Variants in FRMD4B observed in about 807,000 individuals in gnomAD.
The protein encoded by FRMD4B is FERM domain containing 4B.
In FRMD4B, 74 loss-of-function variants were observed where a neutral mutation model predicts 141.5. That is an observed-to-expected ratio of 0.52 (90% CI 0.43 to 0.63). FRMD4B has a LOEUF of 0.63. Among genes scored for constraint, FRMD4B ranks in the 30% least tolerant of loss-of-function variants. The pLI is 0.00. For missense variants in FRMD4B, 1,366 were observed against 1,253.4 expected (o/e 1.09, Z -1.36); for synonymous variants, 506 against 467.9 (o/e 1.08, Z -1.05).
At chr3:69,518,000 G>A (rs536279536) in intron 1 of FRMD4B, among the ~76,000 whole-genome samples, 19 of 152,072 alleles carry the variant, frequency 1.2e-4, no homozygotes, top group African/African-American at 4.6e-4. Flanking sequence ...CCCAAGAGAT[G>A]CTGCTGCTGC....
intron 2 of FRMD4B, among the ~76,000 whole-genome samples, chr3:69,406,311 G>T (rs752827837): frequency 3.3e-5 from 5 of 152,148 alleles, no homozygotes; most frequent in Non-Finnish European, 5.9e-5. Flanking sequence ...GATCCCAGCC[G>T]ATACTCACAG....
At chr3:69,502,742 C>T (rs1221763399) in intron 1 of FRMD4B, among the ~76,000 whole-genome samples, 3 of 151,582 alleles carry the variant, frequency 2.0e-5, no homozygotes, top group African/African-American at 7.3e-5. Context: ...TCGGAGTGAA[C>T]AGGCAACTTA....
intron 1 of FRMD4B, among the ~76,000 whole-genome samples, chr3:69,454,068 G>A (rs924415358): frequency 6.6e-6 from 1 of 152,178 alleles, no homozygotes; most frequent in Non-Finnish European, 1.5e-5. Flanking sequence ...AAATAAATAA[G>A]AGAAGTAGAT....
intron 2 of FRMD4B, among the ~76,000 whole-genome samples, chr3:69,398,285 TA>T (rs1299995248): frequency 6.6e-6 from 1 of 152,210 alleles, no homozygotes; most frequent in Non-Finnish European, 1.5e-5. Context: ...AATTGACACA[TA>T]ATAATTACAT....
chr3:69,445,170 T>C (rs960369628), intron 1 of FRMD4B, among the ~76,000 whole-genome samples: 1 of 152,154 alleles, frequency 6.6e-6, no homozygotes, highest in African/African-American at 2.4e-5. Flanking sequence ...TGAACGGGTG[T>C]CTGCTGAAAA....
At chr3:69,241,516 A>G (rs775474528) in intron 7 of FRMD4B, among the ~76,000 whole-genome samples, 32 of 152,326 alleles carry the variant, frequency 2.1e-4, no homozygotes, top group Non-Finnish European at 3.2e-4. Flanking sequence ...GAAATAAGAC[A>G]AAAACGTTTC....
At chr3:69,248,199 G>A (rs1234934677) in intron 7 of FRMD4B, among the ~76,000 whole-genome samples, 1 of 151,436 alleles carries the variant, frequency 6.6e-6, no homozygotes, top group Non-Finnish European at 1.5e-5. Flanking sequence ...ACTGGTGTTT[G>A]ATTTTCATGA....
At chr3:69,466,480 G>A (rs1234124310) in intron 1 of FRMD4B, among the ~76,000 whole-genome samples, 1 of 152,084 alleles carries the variant, frequency 6.6e-6, no homozygotes, top group Non-Finnish European at 1.5e-5. Flanking sequence ...GATACACACT[G>A]AAATATTTTC....
intron 7 of FRMD4B, among the ~76,000 whole-genome samples, chr3:69,243,891 C>T (rs1277681533): frequency 1.3e-5 from 2 of 152,108 alleles, no homozygotes; most frequent in African/African-American, 4.8e-5. Flanking sequence ...ACTAAAAACA[C>T]AAACAATAGC....
At chr3:69,309,109 G>C (rs966123412) in intron 3 of FRMD4B, among the ~76,000 whole-genome samples, 1 of 151,878 alleles carries the variant, frequency 6.6e-6, no homozygotes, top group Non-Finnish European at 1.5e-5. Context: ...GCATTGAGTG[G>C]GCATTCAAAA....
At chr3:69,539,135 G>A (rs923070983) in intron 1 of FRMD4B, among the ~76,000 whole-genome samples, 3 of 152,216 alleles carry the variant, frequency 2.0e-5, no homozygotes, top group African/African-American at 4.8e-5. Context: ...ACTTATGTGT[G>A]TAAGATAACT....
intron 2 of FRMD4B, among the ~76,000 whole-genome samples, chr3:69,410,726 A>AATAAAT (rs1559519781): frequency 2.8e-4 from 24 of 86,256 alleles, no homozygotes; most frequent in Non-Finnish European, 3.6e-4. Context: ...TAAATAAATA[A>AATAAAT]ATATATATAT....
intron 1 of FRMD4B, among the ~76,000 whole-genome samples, chr3:69,455,246 G>T (rs1347481669): frequency 6.6e-6 from 1 of 152,246 alleles, no homozygotes; most frequent in African/African-American, 2.4e-5. Context: ...GGGAATAAAA[G>T]CAGGCTGCCA....
chr3:69,465,307 G>A (rs1353628686), intron 1 of FRMD4B, among the ~76,000 whole-genome samples: 52 of 144,142 alleles, frequency 3.6e-4, no homozygotes, highest in African/African-American at 6.3e-4. Context: ...GTAACAGAGC[G>A]AGGCTCCGTC....
intron 7 of FRMD4B, among the ~76,000 whole-genome samples, chr3:69,229,015 G>GTTTTTTTTTTTTTTTTTTTTTTTTT (rs58912710): frequency 8.3e-6 from 1 of 120,984 alleles, no homozygotes; most frequent in Non-Finnish European, 1.7e-5. Context: ...TCAAAATCAT[G>GTTTTTTTTTTTTTTTTTTTTTTTTT]TTTTTTTTTT....
intron 5 of FRMD4B, among the ~76,000 whole-genome samples, chr3:69,282,244 T>C (rs1253415478): frequency 6.6e-6 from 1 of 152,200 alleles, no homozygotes; most frequent in Admixed American, 6.5e-5. Flanking sequence ...AGGAAGGAAG[T>C]AGCTGTAGGC....
intron 1 of FRMD4B, among the ~76,000 whole-genome samples, chr3:69,332,678 A>G (rs1350206637): frequency 6.6e-6 from 1 of 151,872 alleles, no homozygotes; most frequent in Non-Finnish European, 1.5e-5. Flanking sequence ...CTGAGCTCAA[A>G]TGATCTTCCT....
upstream of FRMD4B, among the ~76,000 whole-genome samples, chr3:69,390,173 T>C (rs981890321): frequency 2.6e-5 from 4 of 152,186 alleles, no homozygotes; most frequent in Non-Finnish European, 5.9e-5. Flanking sequence ...CCCCTGTCTC[T>C]AGGAAGAAAG....
intron 5 of FRMD4B, among the ~76,000 whole-genome samples, chr3:69,259,890 C>G (rs182836171): frequency 6.6e-6 from 1 of 152,288 alleles, no homozygotes; most frequent in African/African-American, 2.4e-5. Flanking sequence ...TTCATGTGCT[C>G]AAGAGATCCT....
Sources: gnomAD v4.1 joint callset for allele counts (sites outside exome capture counted in the v4.1 genomes callset) on GRCh38, gnomAD v4.1.1 for gene constraint, MANE v1.5 for transcripts, NCBI Gene and HGNC (gene_info 2026-07-23, HGNC 2026-07-21) for gene names.